Variants in FLG observed in about 807,000 individuals in gnomAD.
FLG encodes the protein filaggrin, also known as epidermal filaggrin.
A neutral mutation model predicts 3.8 loss-of-function variants in FLG; 6 were observed. The observed-to-expected ratio is 1.60, with a 90% confidence interval of 0.87 to 3.15. The LOEUF (loss-of-function observed/expected upper bound fraction) is 3.15. FLG is among the 30% of genes most tolerant of loss of function. FLG has a pLI of 0.00. For missense variants in FLG, 7,595 were observed against 5,050.9 expected (o/e 1.50, Z -15.27); for synonymous variants, 2,551 against 1,931.6 (o/e 1.32, Z -8.41).
In FLG at chr1:152,304,718, C is replaced by G; in HGVS notation, c.10168G>C (p.Val3390Leu). ...SGRSGSFLYQ[V>L]STHEQSESAH... ...GACTCAGACTGTTCATGAGTGCTCACCTGGTAGAGGAAAGACCCTGAACGT... is the reference window on the plus strand; with the variant it reads ...GACTCAGACTGTTCATGAGTGCTCAGCTGGTAGAGGAAAGACCCTGAACGT... The change falls in exon 3 of 3, where the codon GTG (valine) becomes CTG (leucine). Residue 3390 changes from valine (V) to leucine (L), a missense_variant. Coordinates refer to ENST00000368799, the MANE Select transcript of FLG (RefSeq NM_002016.2). 6.2e-7 allele frequency: 1 copy of G among 1,613,420 alleles called. No individual in the cohort carries two copies. Among genetic ancestry groups the G allele is most frequent in the Non-Finnish European group, 8.5e-7 (1 of 1,179,862 alleles).
At position 152,307,116 on chromosome 1, in the gene FLG, G is replaced by A. The variant is rs1473612180; in HGVS notation, c.7770C>T (p.Asn2590=). Reference sequence around the variant, plus strand: ...GCTGCTCCTGAGCAGATCCATGATGGTTTCTGGAAGCAGACCCAGACCACC... The same window carrying A: ...GCTGCTCCTGAGCAGATCCATGATGATTTCTGGAAGCAGACCCAGACCACC... ...SERWSGSASR[N]HHGSAQEQLR... The change falls in exon 3 of 3, where the codon AAC becomes AAT. Residue 2590 remains asparagine (N), a synonymous_variant. Coordinates refer to ENST00000368799, the MANE Select transcript of FLG (RefSeq NM_002016.2). 1.9e-6 allele frequency: 3 copies of A among 1,611,874 alleles called. No homozygotes were observed. Among genetic ancestry groups the A allele is most frequent in the South Asian group, 2.2e-5 (2 of 91,010 alleles).
intron 1 of FLG, among the ~76,000 whole-genome samples, chr1:152,316,870 T>A (rs1413292161): frequency 6.6e-6 from 1 of 152,178 alleles, no homozygotes; most frequent in Non-Finnish European, 1.5e-5. Context: ...CTTGTCCTAC[T>A]TTTTCTTATA....
rs761640875 is a variant in FLG, at chr1:152,310,705, T to G, written c.4181A>C (p.Gln1394Pro). The change falls in exon 3 of 3, where the codon CAG becomes CCG. Residue 1394 changes from glutamine (Q) to proline (P), a missense_variant. Transcript: ENST00000368799. The part of the protein sequence containing the change: ...DSGHRGSSGS[Q>P]VTNSEGHSED... ...TGAATGTCCCTCACTGTTAGTGACC[T>G]GACTACCACTGGACCCTCGGTGTCC... The G allele has an allele frequency of 1.9e-6, 3 of 1,614,096 alleles. No individual in the cohort carries two copies. Among genetic ancestry groups the G allele is most frequent in the African/African-American group, 1.3e-5 (1 of 75,014 alleles).
In FLG at chr1:152,307,132, C is replaced by A. The variant is rs530189443; in HGVS notation, c.7754G>T (p.Gly2585Val). Reference sequence around the variant, plus strand: ...TCCATGATGGTTTCTGGAAGCAGACCCAGACCACCTCTCAGAGTCTTCTGA... The same window carrying A: ...TCCATGATGGTTTCTGGAAGCAGACACAGACCACCTCTCAGAGTCTTCTGA... ...GHSEDSERWS[G>V]SASRNHHGSA... The change falls in exon 3 of 3, where the codon GGG (glycine) becomes GTG (valine). Residue 2585 changes from glycine to valine, a missense_variant. Gly to Val is a moderately radical substitution (Grantham distance 109). Transcript: ENST00000368799. The A allele has an allele frequency of 5.0e-6, 8 of 1,612,118 alleles. 1 individual carries two copies. The South Asian group carries it at 8.8e-5, about 18-fold the overall frequency.
In FLG at chr1:152,309,645, G is replaced by T; in HGVS notation, c.5241C>A (p.His1747Gln). ...CTGACTGGCCACGTGTGGACTCTTG[G>T]TGGCTCTGCTGATGGGGCCCAGCCT... ...HGQAGPHQQS[H>Q]QESTRGQSGE... is the part of the protein sequence containing the mutation. The change falls in exon 3 of 3, where the codon CAC (histidine) becomes CAA (glutamine). Residue 1747 changes from histidine to glutamine, a missense_variant. Transcript: ENST00000368799. 1.9e-6 allele frequency: 3 copies of T among 1,613,752 alleles called. No individual in the cohort carries two copies. The highest frequency in any genetic ancestry group is 1.7e-6 in the Non-Finnish European group (2 of 1,179,888).
rs1652609561 is a variant in FLG, at chr1:152,313,532, C to T, written c.1354G>A (p.Glu452Lys). Reference sequence around the variant, plus strand: ...TCCCCTGACCGGCCACGTGTGGACTCTTGGTGGCTCTGCTGTCTCAGCCCA... The same window carrying T: ...TCCCCTGACCGGCCACGTGTGGACTTTTGGTGGCTCTGCTGTCTCAGCCCA... The part of the protein sequence containing the change: ...KAGLRQQSHQ[E>K]STRGRSGERS... Residue 452 changes from glutamate to lysine, a missense_variant, in exon 3 of 3, where the codon GAG (glutamate) becomes AAG (lysine). By Grantham distance (56) the Glu-to-Lys change is moderately conservative (BLOSUM62 1). Transcript: ENST00000368799. 1.9e-6 allele frequency: 3 copies of T among 1,613,672 alleles called. No individual in the cohort carries two copies. The highest frequency in any genetic ancestry group is 1.3e-5 in the African/African-American group (1 of 74,898).
In FLG at chr1:152,310,900, G is replaced by T. The variant is rs755097194; in HGVS notation, c.3986C>A (p.Ser1329Ter). 1 of 1,614,120 alleles carries T rather than the reference G, an allele frequency of 6.2e-7. No individual in the cohort carries two copies. The highest frequency in any genetic ancestry group is 1.1e-5 in the South Asian group (1 of 91,074). The change falls in exon 3 of 3, where the codon TCA (serine) becomes TAA (stop). Residue 1329 changes from serine (S) to a stop codon, truncating the protein, a stop_gained. Coordinates refer to ENST00000368799, the MANE Select transcript of FLG (RefSeq NM_002016.2). LOFTEE classifies it low-confidence loss of function (END_TRUNC). ...GGAAGACTCTGTGTGATGAGTGCCT[G>T]ATTGTCTGGAGCTGTCTGCAGAGTG... The part of the protein sequence containing the change: ...HGHSADSSRQ[S>*]GTHHTESSSH...
rs778861607 is a variant in FLG, at chr1:152,311,184, C to A, written c.3702G>T (p.Gly1234=). Residue 1234 remains glycine, a synonymous_variant, in exon 3 of 3, where the codon GGG becomes GGT. Transcript: ENST00000368799. ...AAGAGGCAGCTTCATGGTGACGTGA[C>A]CCTGAGTGCCTGGAGCCGTCTCCTG... ...KQSGDGSRHS[G]SRHHEAASWA... 1.4e-5 allele frequency: 23 copies of A among 1,612,550 alleles called. No individual in the cohort carries two copies. In the South Asian group the frequency reaches 2.4e-4, roughly 17 times the overall value.
In FLG at chr1:152,307,942, G is replaced by A; in HGVS notation, c.6944C>T (p.Ala2315Val). 1.9e-6 allele frequency: 3 copies of A among 1,614,092 alleles called. No individual in the cohort carries two copies. Among genetic ancestry groups the A allele is most frequent in the South Asian group, 1.1e-5 (1 of 91,082 alleles). ...TCTTGCCTGTTCATGGGATGATGCA[G>A]CCTGTCCACCAGAGGAATTCTCTGC... ...HHAENSSGGQ[A>V]ASSHEQARSS... Residue 2315 changes from alanine (A) to valine (V), a missense_variant, in exon 3 of 3, where the codon GCT becomes GTT. Physicochemically the swap from Ala to Val is moderately conservative, Grantham distance 64. Transcript: ENST00000368799.
rs2786667 is a variant in FLG at position 152,315,310 on chromosome 1, G to T, written c.138+9C>A. Reference sequence around the variant, plus strand: ...ATGCTCTATCTTTGGTCTTGTCAGAGACTCTTACCTTCAGGATTTGCCGAA... The same window carrying T: ...ATGCTCTATCTTTGGTCTTGTCAGATACTCTTACCTTCAGGATTTGCCGAA... On this transcript the variant is annotated intron_variant, in intron 2 of 2. Coordinates refer to ENST00000368799, the MANE Select transcript of FLG (RefSeq NM_002016.2). 3.7e-6 allele frequency: 6 copies of T among 1,612,798 alleles called. No homozygotes were observed. The East Asian group carries it at 8.9e-5, about 24-fold the overall frequency.
In FLG at chr1:152,310,318, G is replaced by A. The variant is rs12750081; in HGVS notation, c.4568C>T (p.Thr1523Ile). Residue 1523 changes from threonine (T) to isoleucine (I), a missense_variant, in exon 3 of 3, where the codon ACA (threonine) becomes ATA (isoleucine). Coordinates refer to ENST00000368799, the MANE Select transcript of FLG (RefSeq NM_002016.2). ...GGAGGCATCAGACCTTCCCTGGGGT[G>A]TGGTGTGGCTGTGATGGTACCCTGA... The part of the protein sequence containing the change: ...GHSGYHHSHT[T>I]PQGRSDASHG... 38,741 of 1,613,924 alleles carry A rather than the reference G, an allele frequency of 0.024. 699 individuals are homozygous for A. Among genetic ancestry groups the A allele is most frequent in the South Asian group, 0.055 (5,023 of 91,062 alleles).
intron 1 of FLG, among the ~76,000 whole-genome samples, chr1:152,317,946 A>G (rs1315688709): frequency 1.3e-5 from 2 of 152,024 alleles, no homozygotes; most frequent in Non-Finnish European, 2.9e-5. Context: ...CTTTTCTTAC[A>G]TCCAATATCT....
At position 152,308,181 on chromosome 1, in the gene FLG, T is replaced by G; in HGVS notation, c.6705A>C (p.Thr2235=). Residue 2235 remains threonine (T), a synonymous_variant, in exon 3 of 3, where the codon ACA becomes ACC. Transcript: ENST00000368799. Reference sequence around the variant, plus strand: ...TAACACTGGATCCCCGGGGCCTGCTTGTCCTGGGCCCTGATGATTGTCCCT... The same window carrying G: ...TAACACTGGATCCCCGGGGCCTGCTGGTCCTGGGCCCTGATGATTGTCCCT... ...VGQGQSSGPR[T]SRPRGSSVSQ... 6.2e-7 allele frequency: 1 copy of G among 1,613,912 alleles called. No individual in the cohort carries two copies. Among genetic ancestry groups the G allele is most frequent in the Non-Finnish European group, 8.5e-7 (1 of 1,179,944 alleles).
In FLG at chr1:152,305,298, C is replaced by T. The variant is rs749592622; in HGVS notation, c.9588G>A (p.Gln3196=). The change falls in exon 3 of 3, where the codon CAG becomes CAA. Residue 3196 remains glutamine (Q), a synonymous_variant. Transcript: ENST00000368799. ...STHADISRHS[Q]AVQGQSEGSR... is the part of the protein sequence containing the mutation. ...ACCCCTCTGATTGTCCCTGGACTGC[C>T]TGTGAGTGTCTAGAGATGTCGGCAT... The T allele has an allele frequency of 1.2e-6, 2 of 1,611,684 alleles. No homozygotes were observed. Among genetic ancestry groups the T allele is most frequent in the Admixed American group, 3.4e-5 (2 of 59,618 alleles).
At position 152,304,823 on chromosome 1, in the gene FLG, C is replaced by T. The variant is rs1570895647; in HGVS notation, c.10063G>A (p.Val3355Met). Residue 3355 changes from valine (V) to methionine (M), a missense_variant, in exon 3 of 3, where the codon GTG (valine) becomes ATG (methionine). Transcript: ENST00000368799. Reference protein sequence around the residue: ...GHSEESDTQSVSGHGQAGPHQ... With the variant: ...GHSEESDTQSMSGHGQAGPHQ... Reference sequence around the variant, plus strand: ...GGCCCAGCCTGTCCATGGCCTGACACTGACTGTGTGTCTGACTCTTCTGAA... The same window carrying T: ...GGCCCAGCCTGTCCATGGCCTGACATTGACTGTGTGTCTGACTCTTCTGAA... 1.2e-6 allele frequency: 2 copies of T among 1,613,954 alleles called. No individual in the cohort carries two copies. Among genetic ancestry groups the T allele is most frequent in the Non-Finnish European group, 1.7e-6 (2 of 1,179,998 alleles).
chr1:152,313,109 A>G lies in FLG; in HGVS notation c.1777T>C (p.Ser593Pro), dbSNP rs536820015. ...GAGTGTCTAGAGCTGTCAGCCTGAG[A>G]GGAAGCTTCATGATGACGTGACCCT... The part of the protein sequence containing the change: ...HSGSRHHEAS[S>P]QADSSRHSQV... Residue 593 changes from serine to proline, a missense_variant, in exon 3 of 3, where the codon TCT (serine) becomes CCT (proline). Ser to Pro is a moderately conservative substitution (Grantham distance 74). Coordinates refer to ENST00000368799, the MANE Select transcript of FLG (RefSeq NM_002016.2). 6.2e-7 allele frequency: 1 copy of G among 1,613,766 alleles called. No individual in the cohort carries two copies. Among genetic ancestry groups the G allele is most frequent in the Non-Finnish European group, 8.5e-7 (1 of 1,179,942 alleles).
Position 152,307,038 on chromosome 1 carries a change from A to G in FLG, c.7848T>C (p.His2616=), listed in dbSNP as rs139875958. Residue 2616 remains histidine (H), a synonymous_variant, in exon 3 of 3, where the codon CAT becomes CAC. Transcript: ENST00000368799. The part of the protein sequence containing the change: ...PRSHQEDRAG[H]GHSADSSRQS... ...GTCTGGAGCTGTCTGCAGAGTGCCCATGACCAGCTCTGTCTTCTTGATGGG... is the reference window on the plus strand; with the variant it reads ...GTCTGGAGCTGTCTGCAGAGTGCCCGTGACCAGCTCTGTCTTCTTGATGGG... The G allele has an allele frequency of 9.9e-4, 1,592 of 1,604,388 alleles. 34 individuals are homozygous for G. In the African/African-American group the frequency reaches 0.02, roughly 20 times the overall value.
chr1:152,309,212 C>A lies in FLG; in HGVS notation c.5674G>T (p.Ala1892Ser), dbSNP rs375529357. The A allele has an allele frequency of 6.2e-7, 1 of 1,613,716 alleles. No individual in the cohort carries two copies. Among genetic ancestry groups the A allele is most frequent in the Admixed American group, 1.7e-5 (1 of 59,958 alleles). Residue 1892 changes from alanine (A) to serine (S), a missense_variant, in exon 3 of 3, where the codon GCC becomes TCC. By Grantham distance (99) the Ala-to-Ser change is moderately conservative. Coordinates refer to ENST00000368799, the MANE Select transcript of FLG (RefSeq NM_002016.2). ...GSRHHEASSR[A>S]DSSRHSQVGQ... is the part of the protein sequence containing the mutation. ...ACCTGCGAGTGTCTAGAGCTGTCGG[C>A]CCGAGAGGAAGCTTCATGGTGACGC...
Position 152,306,797 on chromosome 1 carries a change from C to T in FLG, c.8089G>A (p.Gly2697Arg), listed in dbSNP as rs1342871113. 4 of 1,366,858 alleles carry T rather than the reference C, an allele frequency of 2.9e-6. No individual in the cohort carries two copies. The highest frequency in any genetic ancestry group is 3.6e-5 in the Admixed American group (2 of 55,268). The allele number at this position is 1,366,858 out of a possible 1,614,324, so 84.7% of individuals were successfully genotyped here. The change falls in exon 3 of 3, where the codon GGA (glycine) becomes AGA (arginine). Residue 2697 changes from glycine to arginine, a missense_variant. Physicochemically the swap from Gly to Arg is moderately radical, Grantham distance 125. Coordinates refer to ENST00000368799, the MANE Select transcript of FLG (RefSeq NM_002016.2). Reference protein sequence around the residue: ...YSGSQASDNEGHSEDSDTQSV... With the variant: ...YSGSQASDNERHSEDSDTQSV... ...TGTGTGTCTGAGTCTTCTGAATGTCCCTCATTGTCACTGGCCTGACTACCA... is the reference window on the plus strand; with the variant it reads ...TGTGTGTCTGAGTCTTCTGAATGTCTCTCATTGTCACTGGCCTGACTACCA...
Sources: allele counts gnomAD v4.1 joint callset (sites outside exome capture counted in the v4.1 genomes callset), GRCh38; gene constraint gnomAD v4.1.1; transcripts MANE v1.5; gene names NCBI Gene and HGNC (gene_info 2026-07-23, HGNC 2026-07-21).